Variants in MIER1 observed in about 807,000 individuals in gnomAD.
MIER1 encodes the protein mesoderm induction early response protein 1.
In MIER1, 40 loss-of-function variants were observed where a neutral mutation model predicts 75.7. That is an observed-to-expected ratio of 0.53 (90% CI 0.41 to 0.69). The LOEUF is 0.69. Among genes scored for constraint, MIER1 ranks in the 30% least tolerant of loss-of-function variants. The pLI, the probability that MIER1 is intolerant of heterozygous loss-of-function variation, is 0.00. For synonymous variants in MIER1, 213 were observed against 223.4 expected (o/e 0.95, Z 0.42); for missense variants, 574 against 680.2 (o/e 0.84, Z 1.74).
intron 12 of MIER1, among the ~76,000 whole-genome samples, chr1:66,978,251 T>C (rs928443612): frequency 7.9e-5 from 12 of 150,968 alleles, no homozygotes; most frequent in Admixed American, 2.6e-4. Flanking sequence ...CTCTTCAGAC[T>C]CCTAAACTGC....
In MIER1 at chr1:66,988,189, G is replaced by T. The variant is rs193174271; in HGVS notation, c.*3289G>T. 5 of 152,388 alleles carry T rather than the reference G, an allele frequency of 3.3e-5. No individual in the cohort carries two copies. Among genetic ancestry groups the T allele is most frequent in the African/African-American group, 9.6e-5 (4 of 41,564 alleles). The allele number at this position is 152,388 out of a possible 1,614,324, so 9.4% of individuals were successfully genotyped here. ...ATCCATATTCATGAAAAATGCCAGT[G>T]TGGAAAACCATGTAACATACAGAAG... On this transcript the variant is annotated 3_prime_UTR_variant, in exon 14 of 14. Coordinates refer to ENST00000401041, the MANE Select transcript of MIER1 (RefSeq NM_001077700.3).
At chr1:66,954,915 G>A (rs1419036466) in intron 4 of MIER1, among the ~76,000 whole-genome samples, 1 of 151,978 alleles carries the variant, frequency 6.6e-6, no homozygotes, top group Non-Finnish European at 1.5e-5. Flanking sequence ...TGCCTTGTTG[G>A]CCAGGCTGGT....
At chr1:66,939,986 TATACAGAA>T (rs776338214) in intron 2 of MIER1, 34 bp from the exon 3 acceptor site, 1 of 1,513,060 alleles carries the variant, frequency 6.6e-7, no homozygotes, top group East Asian at 2.3e-5. Context: ...GAAGATACAT[TATACAGAA>T]ATACTAATTT....
chr1:66,934,437 T>C (rs957617285), intron 2 of MIER1, among the ~76,000 whole-genome samples: 2 of 147,920 alleles, frequency 1.4e-5, no homozygotes, highest in Admixed American at 6.9e-5. Context: ...AGGGTCTCTC[T>C]CTGTTGCCCA....
chr1:66,934,301 G>A (rs745761362), intron 2 of MIER1, among the ~76,000 whole-genome samples: 6 of 152,042 alleles, frequency 3.9e-5, no homozygotes, highest in African/African-American at 7.2e-5. Context: ...GAGAGTTTAC[G>A]TAGTTTGTCC....
chr1:66,938,687 AAGT>A (rs763391585), intron 2 of MIER1, among the ~76,000 whole-genome samples: 5 of 152,186 alleles, frequency 3.3e-5, no homozygotes, highest in Admixed American at 6.5e-5. Context: ...TGAGATTTAA[AAGT>A]AGCACTGTAT....
At chr1:66,926,377 G>A in intron 2 of MIER1, 135 bp downstream of exon 2, 1 of 633,410 alleles carries the variant, frequency 1.6e-6, no homozygotes. Flanking sequence ...ATTTGGGTGA[G>A]ATAAAAATAA....
At chr1:66,951,101 C>G (rs1018038646) in intron 4 of MIER1, among the ~76,000 whole-genome samples, 26 of 152,262 alleles carry the variant, frequency 1.7e-4, no homozygotes, top group Admixed American at 6.5e-4. Context: ...CCACTCCAAC[C>G]TATAATATGT....
chr1:66,953,533 A>G (rs1208559299), intron 4 of MIER1, among the ~76,000 whole-genome samples: 2 of 149,860 alleles, frequency 1.3e-5, no homozygotes, highest in South Asian at 2.1e-4. Context: ...GATATTACTC[A>G]CTTGATATTG....
At chr1:66,925,281 A>C in intron 1 of MIER1, 186 bp downstream of exon 1, 1 of 984,632 alleles carries the variant, frequency 1.0e-6, no homozygotes, top group Non-Finnish European at 1.2e-6. Context: ...GCCGGCTGCC[A>C]AAGGCGCATG....
At chr1:66,950,534 TCAA>T (rs1658681202) in intron 4 of MIER1, among the ~76,000 whole-genome samples, 2 of 152,296 alleles carry the variant, frequency 1.3e-5, no homozygotes, top group Admixed American at 1.3e-4. Flanking sequence ...AAAAGAAAGA[TCAA>T]GATTGCAATA....
intron 9 of MIER1, among the ~76,000 whole-genome samples, 185 bp from the exon 10 acceptor site, chr1:66,971,470 G>T (rs1221566151): frequency 6.6e-6 from 1 of 151,996 alleles, no homozygotes; most frequent in Non-Finnish European, 1.5e-5. Context: ...ATATTTAAAG[G>T]TAGTTGATTT....
intron 4 of MIER1, among the ~76,000 whole-genome samples, chr1:66,950,671 A>C (rs1176969149): frequency 1.3e-5 from 2 of 151,272 alleles, no homozygotes; most frequent in African/African-American, 2.4e-5. Flanking sequence ...TGTGTGATTA[A>C]AATGTGAGAG....
At chr1:66,951,772 A>G (rs1480232573) in intron 4 of MIER1, among the ~76,000 whole-genome samples, 1 of 152,016 alleles carries the variant, frequency 6.6e-6, no homozygotes, top group African/African-American at 2.4e-5. Context: ...TTCATCATGT[A>G]CTATGCCCAC....
intron 4 of MIER1, chr1:66,947,718 TC>T (rs1377240612): frequency 1.3e-5 from 2 of 152,908 alleles, no homozygotes; most frequent in African/African-American, 4.8e-5. Context: ...CCTCCCAGCT[TC>T]CTGTTATATC....
At chr1:66,952,591 A>T (rs770103268) in intron 4 of MIER1, among the ~76,000 whole-genome samples, 2 of 152,040 alleles carry the variant, frequency 1.3e-5, no homozygotes, top group Non-Finnish European at 2.9e-5. Context: ...GCTCCCAGGG[A>T]CTCAAGTGCC....
chr1:66,970,041 T>G (rs543076815), intron 8 of MIER1, among the ~76,000 whole-genome samples: 1 of 152,236 alleles, frequency 6.6e-6, no homozygotes, highest in Non-Finnish European at 1.5e-5. Context: ...ACATTCTTGG[T>G]ATTTCTTCTG....
chr1:66,974,306 C>T (rs1664255676), intron 11 of MIER1, among the ~76,000 whole-genome samples: 1 of 151,836 alleles, frequency 6.6e-6, no homozygotes, highest in African/African-American at 2.4e-5. Context: ...CTGATAACCT[C>T]AAATATAGTT....
At chr1:66,932,358 A>G (rs2101072002) in intron 2 of MIER1, among the ~76,000 whole-genome samples, 2 of 152,312 alleles carry the variant, frequency 1.3e-5, no homozygotes, top group South Asian at 4.1e-4. Context: ...ATGACCTGGT[A>G]TCTTTAAACA....
Sources: gnomAD v4.1 joint callset for allele counts (sites outside exome capture counted in the v4.1 genomes callset) on GRCh38, gnomAD v4.1.1 for gene constraint, MANE v1.5 for transcripts, NCBI Gene and HGNC (gene_info 2026-07-23, HGNC 2026-07-21) for gene names.